Variants in AOPEP observed in about 807,000 individuals in gnomAD.
AOPEP encodes the protein aminopeptidase O (putative), also known as aminopeptidase O.
In AOPEP, 77 loss-of-function variants were observed where a neutral mutation model predicts 98.1. The observed-to-expected ratio is 0.78, with a 90% CI of 0.65 to 0.95. AOPEP has a LOEUF of 0.95. Ranked by LOEUF, AOPEP falls within the 40% of genes least tolerant of loss-of-function variation. AOPEP has a pLI of 0.00. For missense variants in AOPEP, 1,024 were observed against 1,024.7 expected, an observed-to-expected ratio of 1.00 and a Z score of 0.01; for synonymous variants, 346 against 365.3, an observed-to-expected ratio of 0.95 and a Z score of 0.60.
the AOPEP span, chr9:95,110,852 A>G: frequency 8.5e-7 from 1 of 1,179,740 alleles, no homozygotes; most frequent in Non-Finnish European, 1.1e-6. Flanking sequence ...TCCACATAAA[A>G]TAACAACTGT....
At chr9:95,002,876 G>A (rs1049901819) in intron 11 of AOPEP, among the ~76,000 whole-genome samples, 73 of 152,344 alleles carry the variant, frequency 4.8e-4, no homozygotes, top group African/African-American at 1.7e-3. Context: ...TGGCAATTGG[G>A]AGGAGAGTTG....
chr9:95,131,671 A>G, the AOPEP span, among the ~76,000 whole-genome samples: 1 of 152,342 alleles, frequency 6.6e-6, no homozygotes, highest in Non-Finnish European at 1.5e-5. Context: ...CATGCACCAC[A>G]TTAAAGAGCT....
intron 2 of AOPEP, chr9:94,763,245 A>G: frequency 4.1e-6 from 1 of 244,372 alleles, no homozygotes; most frequent in South Asian, 4.3e-5. Context: ...TTTCAAGTAT[A>G]TTTAAAACAT....
intron 5 of AOPEP, among the ~76,000 whole-genome samples, chr9:94,815,119 TC>T: frequency 1.3e-5 from 2 of 152,310 alleles, no homozygotes; most frequent in Middle Eastern, 3.4e-3. Context: ...GGGATGGATC[TC>T]CTGTCATTCC....
At chr9:95,004,190 G>A (rs1262874016) in intron 11 of AOPEP, 1 of 455,558 alleles carries the variant, frequency 2.2e-6, no homozygotes, top group East Asian at 7.0e-5. Flanking sequence ...GCCCCGGCCC[G>A]CCCTCACCGG....
At chr9:94,895,741 G>T (rs2049463339) in intron 5 of AOPEP, among the ~76,000 whole-genome samples, 2 of 152,104 alleles carry the variant, frequency 1.3e-5, no homozygotes. Context: ...ACTGTTAGTA[G>T]AGACAGGGTC....
At chr9:94,950,117 A>G (rs1233743882) in intron 7 of AOPEP, among the ~76,000 whole-genome samples, 4 of 152,196 alleles carry the variant, frequency 2.6e-5, no homozygotes, top group African/African-American at 9.6e-5. Context: ...AAATTACTGT[A>G]GTAGTAGAGT....
chr9:94,786,269 T>C (rs1364634926), intron 3 of AOPEP, among the ~76,000 whole-genome samples: 1 of 152,216 alleles, frequency 6.6e-6, no homozygotes, highest in African/African-American at 2.4e-5. Context: ...CTATGATAAT[T>C]CTCTTGTTAT....
chr9:94,787,335 A>T (rs1291432260), intron 3 of AOPEP, among the ~76,000 whole-genome samples: 1 of 152,142 alleles, frequency 6.6e-6, no homozygotes, highest in Non-Finnish European at 1.5e-5. Flanking sequence ...CTGGGTTGTG[A>T]TGGGATTGGG....
chr9:95,054,040 A>C (rs2066616716), intron 13 of AOPEP, among the ~76,000 whole-genome samples: 1 of 152,176 alleles, frequency 6.6e-6, no homozygotes, highest in African/African-American at 2.4e-5. Flanking sequence ...AGGAAACAAA[A>C]AGAAGGAAAT....
chr9:95,029,969 C>T (rs1044976646), intron 13 of AOPEP, among the ~76,000 whole-genome samples: 42 of 152,200 alleles, frequency 2.8e-4, no homozygotes, highest in African/African-American at 9.2e-4. Context: ...CCATTGCAGC[C>T]GTGGTATGAT....
chr9:94,893,995 G>T (rs1363585191), intron 5 of AOPEP, among the ~76,000 whole-genome samples: 1 of 152,096 alleles, frequency 6.6e-6, no homozygotes, highest in African/African-American at 2.4e-5. Context: ...AATAAAAGAA[G>T]AACAATTTAT....
intron 5 of AOPEP, among the ~76,000 whole-genome samples, chr9:94,848,902 AC>A (rs2043188450): frequency 6.6e-6 from 1 of 152,060 alleles, no homozygotes; most frequent in Non-Finnish European, 1.5e-5. Flanking sequence ...TCAGCCTCCC[AC>A]GTAGCTGGGA....
intron 3 of AOPEP, among the ~76,000 whole-genome samples, chr9:94,792,236 A>G (rs1845883961): frequency 6.6e-6 from 1 of 152,242 alleles, no homozygotes; most frequent in African/African-American, 2.4e-5. Flanking sequence ...AATTAATTTC[A>G]GAGTTGGGAT....
intron 11 of AOPEP, among the ~76,000 whole-genome samples, chr9:95,000,775 CTGTTA>C (rs1287834539): frequency 6.6e-6 from 1 of 152,142 alleles, no homozygotes; most frequent in African/African-American, 2.4e-5. Flanking sequence ...CCTAATCCCT[CTGTTA>C]TTTTTGAAAC....
intron 8 of AOPEP, among the ~76,000 whole-genome samples, chr9:94,955,595 G>A (rs1007669905): frequency 1.1e-4 from 16 of 152,152 alleles, no homozygotes; most frequent in African/African-American, 2.2e-4. Context: ...GTTTTCTGTC[G>A]TGAAGGCCTT....
chr9:94,764,292 G>A lies in AOPEP; in HGVS notation c.797+3712G>A, dbSNP rs541479956. On this transcript the variant is annotated intron_variant, in intron 2 of 16. Transcript: ENST00000375315. ...ACTTCTGAAAACGAATAAGGTCAGC[G>A]TAAAGTCTAAGAAACTGCCACAGTC... Among the ~76,000 whole-genome samples, 13 of 152,284 alleles carry A rather than the reference G, an allele frequency of 8.5e-5. No homozygotes were observed. The South Asian group carries it at 2.1e-3, about 24-fold the overall frequency.
At chr9:94,848,247 T>C (rs1382118425) in intron 5 of AOPEP, among the ~76,000 whole-genome samples, 2 of 151,770 alleles carry the variant, frequency 1.3e-5, no homozygotes, top group Non-Finnish European at 2.9e-5. Flanking sequence ...GGTCAGGAGG[T>C]CGAGACCATC....
intron 1 of AOPEP, among the ~76,000 whole-genome samples, chr9:94,742,224 C>CCTCTCTTCTTT (rs1833298999): frequency 6.6e-6 from 1 of 151,986 alleles, no homozygotes; most frequent in Non-Finnish European, 1.5e-5. Flanking sequence ...TTGATTGGGT[C>CCTCTCTTCTTT]GAGTTACAAA....
Sources: gnomAD v4.1 joint callset for allele counts (sites outside exome capture counted in the v4.1 genomes callset) on GRCh38, gnomAD v4.1.1 for gene constraint, MANE v1.5 for transcripts, NCBI Gene and HGNC (gene_info 2026-07-23, HGNC 2026-07-21) for gene names.